The following CEP112 variants were observed in gnomAD, a reference collection of about 807,000 sequenced individuals.
CEP112 encodes the protein centrosomal protein 112, also known as centrosomal protein of 112 kDa.
CEP112 carries 127 observed loss-of-function variants against 153.0 expected under a neutral mutation model. That is an observed-to-expected ratio of 0.83 (90% CI 0.72 to 0.96). CEP112 has a LOEUF of 0.96. Among genes scored for constraint, CEP112 ranks in the 40% least tolerant of loss-of-function variants. The probability of loss-of-function intolerance (pLI) is 0.00; values close to 1 mark genes in which losing one functional copy is unlikely to be tolerated. For missense variants in CEP112, 1,089 were observed against 1,101.2 expected, an observed-to-expected ratio of 0.99 and a Z score of 0.16; for synonymous variants, 358 against 374.4, an observed-to-expected ratio of 0.96 and a Z score of 0.51.
intron 6 of CEP112, among the ~76,000 whole-genome samples, chr17:66,123,205 A>G (rs1475368505): frequency 1.3e-5 from 2 of 152,200 alleles, no homozygotes; most frequent in African/African-American, 4.8e-5. Flanking sequence ...CTTCTGCCCT[A>G]TCAGTCTTGG....
intron 17 of CEP112, among the ~76,000 whole-genome samples, chr17:65,972,272 C>G (rs1310211866): frequency 6.6e-6 from 1 of 151,922 alleles, no homozygotes; most frequent in Non-Finnish European, 1.5e-5. Context: ...TATTTGGAAA[C>G]TAAATAATGT....
intron 12 of CEP112, among the ~76,000 whole-genome samples, chr17:66,041,510 C>T (rs2065977232): frequency 6.6e-6 from 1 of 152,076 alleles, no homozygotes; most frequent in African/African-American, 2.4e-5. Context: ...TATACACAGG[C>T]TAGTATATAC....
At chr17:66,001,555 CATTTTTGTATTTATTGTAA>C (rs1485976547) in intron 17 of CEP112, among the ~76,000 whole-genome samples, 3 of 152,104 alleles carry the variant, frequency 2.0e-5, no homozygotes. Flanking sequence ...TATGTTAAGG[CATTTTTGTATTTATTGTAA>C]AAACAGAGTT....
intron 21 of CEP112, among the ~76,000 whole-genome samples, chr17:65,777,310 C>G (rs1459278097): frequency 6.6e-6 from 1 of 152,130 alleles, no homozygotes; most frequent in Admixed American, 6.5e-5. Flanking sequence ...GAGAAATAAA[C>G]TCTCTTGTTT....
intron 21 of CEP112, among the ~76,000 whole-genome samples, chr17:65,764,476 C>A (rs2052817197): frequency 6.6e-6 from 1 of 152,228 alleles, no homozygotes; most frequent in Admixed American, 6.5e-5. Flanking sequence ...TATATATTTA[C>A]ACTTGTTATA....
intron 4 of CEP112, among the ~76,000 whole-genome samples, chr17:66,161,844 A>T (rs150097879): frequency 0.034 from 5,162 of 152,128 alleles, 129 homozygotes; most frequent in Middle Eastern, 0.061. Flanking sequence ...AAAAAAGAAT[A>T]AAAAAACTCT....
intron 21 of CEP112, among the ~76,000 whole-genome samples, chr17:65,820,953 T>TAG (rs1317129232): frequency 6.6e-6 from 1 of 152,198 alleles, no homozygotes; most frequent in Non-Finnish European, 1.5e-5. Context: ...CTAGGATGTC[T>TAG]ACTGATCTGT....
chr17:65,726,510 T>C (rs1397233445), intron 23 of CEP112, among the ~76,000 whole-genome samples: 2 of 152,036 alleles, frequency 1.3e-5, no homozygotes, highest in Non-Finnish European at 2.9e-5. Flanking sequence ...GTGAACAGCA[T>C]GAGAGAAGGC....
intron 21 of CEP112, among the ~76,000 whole-genome samples, chr17:65,769,883 C>T (rs768737802): frequency 1.3e-5 from 2 of 151,890 alleles, no homozygotes; most frequent in South Asian, 2.1e-4. Context: ...ATGGCAACTT[C>T]CAAGCACCTT....
intron 24 of CEP112, among the ~76,000 whole-genome samples, chr17:65,682,656 T>A (rs2047590191): frequency 6.6e-6 from 1 of 152,066 alleles, no homozygotes; most frequent in South Asian, 2.1e-4. Flanking sequence ...CTTCCCTTTT[T>A]TTAATGGATG....
At chr17:65,886,380 G>C (rs1010081583) in intron 20 of CEP112, among the ~76,000 whole-genome samples, 2 of 152,190 alleles carry the variant, frequency 1.3e-5, no homozygotes, top group Admixed American at 1.3e-4. Flanking sequence ...AACCCTTGCA[G>C]ACACATCCTT....
chr17:65,850,413 G>A (rs530791262), intron 21 of CEP112, among the ~76,000 whole-genome samples: 1 of 152,066 alleles, frequency 6.6e-6, no homozygotes, highest in Admixed American at 6.5e-5. Context: ...CCACCCCCCA[G>A]CATATTCCAC....
intron 23 of CEP112, among the ~76,000 whole-genome samples, chr17:65,698,449 A>G (rs2048461279): frequency 6.6e-6 from 1 of 152,160 alleles, no homozygotes; most frequent in Non-Finnish European, 1.5e-5. Context: ...TAAAGGTCTT[A>G]AAAATGCACT....
At chr17:65,825,988 C>T (rs2056820736) in intron 21 of CEP112, 2 of 760,262 alleles carry the variant, frequency 2.6e-6, no homozygotes, top group African/African-American at 1.7e-5. Context: ...TATTTCTGTT[C>T]AATGTGATTG....
chr17:66,007,113 C>A (rs1003022255), intron 16 of CEP112, among the ~76,000 whole-genome samples: 2 of 152,012 alleles, frequency 1.3e-5, no homozygotes, highest in South Asian at 4.2e-4. Flanking sequence ...TTAATAAAAT[C>A]AATGTTTGCT....
chr17:65,691,255 T>C (rs984132683), intron 23 of CEP112, among the ~76,000 whole-genome samples: 5 of 152,150 alleles, frequency 3.3e-5, no homozygotes, highest in Non-Finnish European at 5.9e-5. Context: ...TCAGACACAA[T>C]GGCTAAATTA....
intron 23 of CEP112, among the ~76,000 whole-genome samples, chr17:65,701,782 C>T (rs1391133207): frequency 6.6e-6 from 1 of 151,918 alleles, no homozygotes; most frequent in East Asian, 1.9e-4. Context: ...ATGACAAAGT[C>T]ATTCATTCAA....
intron 21 of CEP112, among the ~76,000 whole-genome samples, chr17:65,837,298 C>T (rs1394110504): frequency 3.3e-5 from 5 of 151,770 alleles, no homozygotes; most frequent in African/African-American, 4.8e-5. Context: ...TCTGCCCGGC[C>T]GCCCAGTCTG....
intron 16 of CEP112, among the ~76,000 whole-genome samples, chr17:66,019,641 T>C (rs2064920459): frequency 6.6e-6 from 1 of 152,256 alleles, no homozygotes; most frequent in South Asian, 2.1e-4. Context: ...ATTGTTATTA[T>C]TTTAAACAAA....
Sources: allele counts gnomAD v4.1 joint callset (sites outside exome capture counted in the v4.1 genomes callset), GRCh38; gene constraint gnomAD v4.1.1; transcripts MANE v1.5; gene names NCBI Gene and HGNC (gene_info 2026-07-23, HGNC 2026-07-21).